The following TRIM44 variants were observed in gnomAD, a reference collection of about 807,000 sequenced individuals.
The protein encoded by TRIM44 is tripartite motif containing 44, also known as tripartite motif-containing protein 44.
In TRIM44, 13 loss-of-function variants were observed where a neutral mutation model predicts 37.4. That is an observed-to-expected ratio of 0.35 (90% CI 0.23 to 0.55). TRIM44 has a LOEUF of 0.55. Among genes scored for constraint, TRIM44 ranks in the 20% least tolerant of loss-of-function variants. The pLI is 0.89. For synonymous variants in TRIM44, 175 were observed against 157.2 expected, an observed-to-expected ratio of 1.11 and a Z score of -0.85; for missense variants, 426 against 437.2, an observed-to-expected ratio of 0.97 and a Z score of 0.23.
chr11:35,787,952 T>G (rs1040785586), intron 4 of TRIM44, among the ~76,000 whole-genome samples: 1 of 152,248 alleles, frequency 6.6e-6, no homozygotes, highest in Non-Finnish European at 1.5e-5. Context: ...CTTTCCAGGC[T>G]GCCACTCCCC....
chr11:35,743,324 AC>A (rs1212749084), intron 4 of TRIM44, among the ~76,000 whole-genome samples: 4 of 152,136 alleles, frequency 2.6e-5, no homozygotes, highest in Non-Finnish European at 5.9e-5. Context: ...GTTACGCTTT[AC>A]CTCTTGACTA....
At chr11:35,805,918 A>G (rs1217297547) in intron 4 of TRIM44, among the ~76,000 whole-genome samples, 1 of 152,106 alleles carries the variant, frequency 6.6e-6, no homozygotes, top group Non-Finnish European at 1.5e-5. Context: ...TGCCATTGAG[A>G]GTGCAGATGG....
chr11:35,693,592 G>T (rs571902351), intron 2 of TRIM44, among the ~76,000 whole-genome samples: 1 of 152,060 alleles, frequency 6.6e-6, no homozygotes, highest in Non-Finnish European at 1.5e-5. Flanking sequence ...TTTTTGTTTG[G>T]TTTGGTCTGT....
intron 4 of TRIM44, among the ~76,000 whole-genome samples, chr11:35,749,387 A>G (rs1852533995): frequency 6.6e-6 from 1 of 152,236 alleles, no homozygotes; most frequent in African/African-American, 2.4e-5. Flanking sequence ...TAGAATAAGA[A>G]TAAGAGAGCA....
chr11:35,787,107 C>T (rs1853140534), intron 4 of TRIM44, among the ~76,000 whole-genome samples: 1 of 152,084 alleles, frequency 6.6e-6, no homozygotes, highest in South Asian at 2.1e-4. Context: ...TGTGGCTGAC[C>T]TCTGGGAAAG....
chr11:35,783,190 T>A (rs571241700), intron 4 of TRIM44, among the ~76,000 whole-genome samples: 4 of 152,146 alleles, frequency 2.6e-5, no homozygotes, highest in Non-Finnish European at 5.9e-5. Context: ...GATATTGACA[T>A]AAGTTCCCCA....
At chr11:35,669,396 C>T (rs1043054164) in intron 1 of TRIM44, among the ~76,000 whole-genome samples, 1 of 152,166 alleles carries the variant, frequency 6.6e-6, no homozygotes, top group African/African-American at 2.4e-5. Flanking sequence ...TGCTTTTACT[C>T]TGAGATTTTT....
chr11:35,676,616 G>A (rs1468074620), intron 1 of TRIM44, among the ~76,000 whole-genome samples: 3 of 152,176 alleles, frequency 2.0e-5, no homozygotes, highest in Non-Finnish European at 4.4e-5. Context: ...GAAGCAGAGG[G>A]GAGGTGGGGA....
At chr11:35,790,363 A>C (rs1853191777) in intron 4 of TRIM44, among the ~76,000 whole-genome samples, 1 of 152,164 alleles carries the variant, frequency 6.6e-6, no homozygotes, top group African/African-American at 2.4e-5. Flanking sequence ...GATCTTTTGA[A>C]AGTGGCAAAG....
intron 4 of TRIM44, among the ~76,000 whole-genome samples, chr11:35,743,750 G>T (rs577487248): frequency 6.6e-6 from 1 of 152,188 alleles, no homozygotes; most frequent in Admixed American, 6.5e-5. Context: ...CAGCTCATCA[G>T]TGGGTTACAA....
intron 4 of TRIM44, among the ~76,000 whole-genome samples, chr11:35,756,117 T>C (rs1852634678): frequency 6.6e-6 from 1 of 151,568 alleles, no homozygotes; most frequent in Admixed American, 6.6e-5. Flanking sequence ...TTTCACAATA[T>C]TGATTCTTCC....
intron 4 of TRIM44, among the ~76,000 whole-genome samples, chr11:35,743,939 T>C (rs550240783): frequency 1.2e-4 from 18 of 152,182 alleles, no homozygotes; most frequent in Non-Finnish European, 2.6e-4. Flanking sequence ...GATACTATCA[T>C]ATGCCAGAGA....
chr11:35,691,977 T>C (rs1851641542), intron 2 of TRIM44, among the ~76,000 whole-genome samples: 1 of 152,158 alleles, frequency 6.6e-6, no homozygotes, highest in Non-Finnish European at 1.5e-5. Flanking sequence ...AAAAGCAGAA[T>C]AGTTGTATAG....
intron 3 of TRIM44, among the ~76,000 whole-genome samples, chr11:35,726,467 A>C (rs144875743): frequency 1.3e-5 from 2 of 152,304 alleles, no homozygotes; most frequent in East Asian, 3.9e-4. Context: ...ACAGACCCCA[A>C]GTTGTGAAAT....
At chr11:35,676,001 G>A (rs571316218) in intron 1 of TRIM44, among the ~76,000 whole-genome samples, 1 of 152,268 alleles carries the variant, frequency 6.6e-6, no homozygotes, top group African/African-American at 2.4e-5. Flanking sequence ...AAGGAAAAAT[G>A]GGAGAAGAAT....
chr11:35,751,776 C>A (rs1416404957), intron 4 of TRIM44, among the ~76,000 whole-genome samples: 1 of 151,980 alleles, frequency 6.6e-6, no homozygotes, highest in Non-Finnish European at 1.5e-5. Context: ...AAACATTTAC[C>A]AGAAATAACA....
intron 2 of TRIM44, among the ~76,000 whole-genome samples, chr11:35,709,701 C>T (rs926739372): frequency 6.6e-6 from 1 of 152,134 alleles, no homozygotes. Flanking sequence ...TTACACTCCC[C>T]AGCTACTCTG....
At chr11:35,666,451 A>G (rs1004885172) in intron 1 of TRIM44, among the ~76,000 whole-genome samples, 1 of 152,242 alleles carries the variant, frequency 6.6e-6, no homozygotes. Context: ...AAGCCAATAT[A>G]GGGAGAATTA....
chr11:35,720,909 CTTTTTT>C (rs549626841), intron 2 of TRIM44, among the ~76,000 whole-genome samples: 5 of 138,036 alleles, frequency 3.6e-5, no homozygotes, highest in African/African-American at 1.3e-4. Flanking sequence ...GTATATAATT[CTTTTTT>C]TTTTTTTTTT....
Sources: allele counts gnomAD v4.1 joint callset (sites outside exome capture counted in the v4.1 genomes callset), GRCh38; gene constraint gnomAD v4.1.1; transcripts MANE v1.5; gene names NCBI Gene and HGNC (gene_info 2026-07-23, HGNC 2026-07-21).